Variants in WDPCP observed in about 807,000 individuals in gnomAD.
WDPCP encodes WD repeat-containing and planar cell polarity effector protein fritz homolog.
WDPCP carries 71 observed loss-of-function variants against 93.1 expected under a neutral mutation model. The ratio of observed to expected loss-of-function variants is 0.76; its 90% CI spans 0.63 to 0.93. The LOEUF is 0.93. WDPCP is among the 40% of genes least tolerant of loss of function. The probability of loss-of-function intolerance (pLI) is 0.00; values close to 1 mark genes in which losing one functional copy is unlikely to be tolerated. For missense variants in WDPCP, 844 were observed against 887.4 expected, an observed-to-expected ratio of 0.95 and a Z score of 0.62; for synonymous variants, 315 against 315.0, an observed-to-expected ratio of 1.00 and a Z score of 0.00.
intron 13 of WDPCP, among the ~76,000 whole-genome samples, chr2:63,280,148 G>A (rs182708390): frequency 2.0e-4 from 30 of 152,152 alleles, no homozygotes; most frequent in African/African-American, 5.1e-4. Flanking sequence ...AAAAAAGAGC[G>A]CTGTATTAGT....
intron 1 of WDPCP, among the ~76,000 whole-genome samples, chr2:63,570,270 T>A (rs1304157768): frequency 6.6e-6 from 1 of 152,196 alleles, no homozygotes; most frequent in East Asian, 1.9e-4. Flanking sequence ...TCTTTGCTAC[T>A]TAAAAAAGGT....
intron 2 of WDPCP, among the ~76,000 whole-genome samples, chr2:63,731,066 C>T (rs190148802): frequency 6.6e-6 from 1 of 151,836 alleles, no homozygotes; most frequent in African/African-American, 2.4e-5. Context: ...GTCAGGAGAT[C>T]GAGACAATCC....
intron 2 of WDPCP, among the ~76,000 whole-genome samples, chr2:63,754,221 G>A (rs568751041): frequency 2.0e-5 from 3 of 152,292 alleles, no homozygotes; most frequent in South Asian, 2.1e-4. Context: ...TCAGTTGATG[G>A]CAATTCTCTA....
At chr2:63,753,919 G>C (rs1185735725) in intron 2 of WDPCP, among the ~76,000 whole-genome samples, 1 of 152,214 alleles carries the variant, frequency 6.6e-6, no homozygotes, top group Non-Finnish European at 1.5e-5. Context: ...ACCAGAATCT[G>C]AGACAGAGAT....
chr2:63,129,435 C>T (rs1670145949), intron 17 of WDPCP, among the ~76,000 whole-genome samples: 2 of 152,212 alleles, frequency 1.3e-5, no homozygotes, highest in African/African-American at 4.8e-5. Flanking sequence ...TCCTTATCAA[C>T]ACTTTTTGCT....
At chr2:63,497,482 CCTT>C (rs1264301707) in intron 1 of WDPCP, among the ~76,000 whole-genome samples, 1 of 152,118 alleles carries the variant, frequency 6.6e-6, no homozygotes. Context: ...GGTTATTCAT[CCTT>C]CTTTTTTCCT....
At chr2:63,157,316 A>C (rs545257444) in intron 15 of WDPCP, among the ~76,000 whole-genome samples, 1 of 151,758 alleles carries the variant, frequency 6.6e-6, no homozygotes, top group Admixed American at 6.6e-5. Context: ...AGTTTTTTGT[A>C]CTTTTTTTTC....
chr2:63,723,129 C>G (rs1669450473), intron 2 of WDPCP, among the ~76,000 whole-genome samples: 1 of 151,728 alleles, frequency 6.6e-6, no homozygotes, highest in African/African-American at 2.4e-5. Context: ...TCTCAAGTAC[C>G]CAGGGACACA....
intron 13 of WDPCP, among the ~76,000 whole-genome samples, chr2:63,273,444 T>TAA (rs201155893): frequency 7.1e-6 from 1 of 139,912 alleles, no homozygotes; most frequent in Admixed American, 7.1e-5. Flanking sequence ...TTAAAACATG[T>TAA]AAAAAAAAAA....
At chr2:63,575,807 T>C (rs1708077542) in intron 1 of WDPCP, among the ~76,000 whole-genome samples, 2 of 151,950 alleles carry the variant, frequency 1.3e-5, no homozygotes, top group African/African-American at 4.8e-5. Flanking sequence ...AGAAAATAAC[T>C]GTGCCAATAT....
At chr2:63,122,938 T>C (rs1225185353) in intron 17 of WDPCP, among the ~76,000 whole-genome samples, 1 of 151,982 alleles carries the variant, frequency 6.6e-6, no homozygotes, top group African/African-American at 2.4e-5. Flanking sequence ...AGTCTGCATT[T>C]ATACTATTTT....
At chr2:63,445,127 C>G (rs1322427343) in intron 6 of WDPCP, among the ~76,000 whole-genome samples, 1 of 150,694 alleles carries the variant, frequency 6.6e-6, no homozygotes, top group Non-Finnish European at 1.5e-5. Flanking sequence ...TAAATAACAT[C>G]TGAGTTTTGT....
intron 14 of WDPCP, 55 bp from the exon 15 acceptor site, chr2:63,174,887 C>G (rs967871683): frequency 6.3e-5 from 98 of 1,565,886 alleles, no homozygotes; most frequent in Non-Finnish European, 8.1e-5. Context: ...TCTGCTAACT[C>G]CCTTATAAGT....
chr2:63,566,101 T>C (rs1707029699), intron 1 of WDPCP, among the ~76,000 whole-genome samples: 1 of 152,178 alleles, frequency 6.6e-6, no homozygotes, highest in South Asian at 2.1e-4. Context: ...CCATTTCCCT[T>C]TACTTGGTTT....
At chr2:63,427,922 A>C (rs1696443517) in intron 9 of WDPCP, among the ~76,000 whole-genome samples, 1 of 152,148 alleles carries the variant, frequency 6.6e-6, no homozygotes, top group Non-Finnish European at 1.5e-5. Context: ...GGAATGCAAA[A>C]GATCCTTAGA....
At chr2:63,550,154 C>T (rs571965707) in intron 1 of WDPCP, among the ~76,000 whole-genome samples, 2 of 151,736 alleles carry the variant, frequency 1.3e-5, no homozygotes, top group Non-Finnish European at 2.9e-5. Context: ...CTCACACATT[C>T]CCAACAGCAT....
At chr2:63,257,401 G>A (rs1005998421) in intron 14 of WDPCP, among the ~76,000 whole-genome samples, 2 of 152,172 alleles carry the variant, frequency 1.3e-5, no homozygotes, top group Admixed American at 6.6e-5. Context: ...TAGAGACCAT[G>A]ATGAGGAAAC....
At chr2:63,638,061 A>C (rs1251043880) in intron 3 of WDPCP, among the ~76,000 whole-genome samples, 3 of 152,196 alleles carry the variant, frequency 2.0e-5, no homozygotes, top group African/African-American at 4.8e-5. Context: ...GTACAATAGA[A>C]TATTATTGAG....
At chr2:63,532,825 T>C (rs978577315) in intron 1 of WDPCP, among the ~76,000 whole-genome samples, 1 of 152,106 alleles carries the variant, frequency 6.6e-6, no homozygotes, top group African/African-American at 2.4e-5. Context: ...AACCAGCTAA[T>C]ATCATAATGA....
Sources: gnomAD v4.1 joint callset for allele counts (sites outside exome capture counted in the v4.1 genomes callset) on GRCh38, gnomAD v4.1.1 for gene constraint, MANE v1.5 for transcripts, NCBI Gene and HGNC (gene_info 2026-07-23, HGNC 2026-07-21) for gene names.